RERE: variants seen among roughly 807,000 people sequenced by gnomAD.
RERE encodes arginine-glutamic acid dipeptide repeats, also known as arginine-glutamic acid dipeptide repeats protein.
RERE carries 40 observed loss-of-function variants against 146.1 expected under a neutral mutation model. The observed-to-expected ratio is 0.27, with a 90% CI of 0.21 to 0.36. The LOEUF (loss-of-function observed/expected upper bound fraction) is 0.36, where lower values mean the gene tolerates loss of function less well. RERE is among the 10% of genes least tolerant of loss of function. The probability of loss-of-function intolerance (pLI) is 1.00; values close to 1 mark genes in which losing one functional copy is unlikely to be tolerated. For missense variants in RERE, 1,933 were observed against 2,138.7 expected, an observed-to-expected ratio of 0.90 and a Z score of 1.90; for synonymous variants, 1,003 against 866.0, an observed-to-expected ratio of 1.16 and a Z score of -2.78.
chr1:8,396,475 T>C (rs1643059192), intron 12 of RERE, among the ~76,000 whole-genome samples: 1 of 152,328 alleles, frequency 6.6e-6, no homozygotes, highest in Admixed American at 6.5e-5. Flanking sequence ...TTGGGAAGAA[T>C]GCAGCAGACT....
At chr1:8,739,949 T>C (rs1055974803) in intron 1 of RERE, among the ~76,000 whole-genome samples, 4 of 152,024 alleles carry the variant, frequency 2.6e-5, no homozygotes, top group Admixed American at 1.3e-4. Context: ...GTTTTGCCTC[T>C]GGGCCACTGC....
At position 8,358,911 on chromosome 1, in the gene RERE, C is replaced by A; in HGVS notation, c.3624G>T (p.Ala1208=). ...REREAERAAK[A]SSSAHEGRLS... ...GGCGACCTTCATGCGCTGAGCTGGACGCCTTCTGCAGAAGGAAAAGAAAGC... is the reference window on the plus strand; with the variant it reads ...GGCGACCTTCATGCGCTGAGCTGGAAGCCTTCTGCAGAAGGAAAAGAAAGC... The change falls in exon 20 of 23, where the codon GCG becomes GCT. Residue 1208 remains alanine (A), a synonymous_variant. Coordinates refer to ENST00000400908, the MANE Select transcript of RERE (RefSeq NM_001042681.2). The A allele has an allele frequency of 6.6e-7, 1 of 1,522,718 alleles. No individual in the cohort carries two copies. The highest frequency in any genetic ancestry group is 8.8e-7 in the Non-Finnish European group (1 of 1,137,740). 94.3% of individuals were successfully genotyped at this position (1,522,718 alleles called of 1,614,324 possible).
intron 6 of RERE, 116 bp from the exon 7 acceptor site, chr1:8,541,434 C>A (rs1486025364): frequency 3.3e-6 from 2 of 607,316 alleles, no homozygotes; most frequent in East Asian, 2.7e-5. Context: ...GGAGAATCGG[C>A]TACAAACACC....
chr1:8,502,900 A>C (rs1023266039), intron 8 of RERE, among the ~76,000 whole-genome samples: 1 of 150,938 alleles, frequency 6.6e-6, no homozygotes, highest in South Asian at 2.1e-4. Flanking sequence ...CGTGCTCGTT[A>C]AGAGTCATCA....
intron 1 of RERE, among the ~76,000 whole-genome samples, chr1:8,794,357 CAAAAAAAA>C (rs34549021): frequency 9.9e-5 from 4 of 40,554 alleles, no homozygotes; most frequent in Non-Finnish European, 1.4e-4. Context: ...GACTCCGTCT[CAAAAAAAA>C]AAAAAAAAAA....
chr1:8,552,283 C>A (rs985646568), intron 6 of RERE, among the ~76,000 whole-genome samples: 1 of 152,344 alleles, frequency 6.6e-6, no homozygotes, highest in East Asian at 1.9e-4. Flanking sequence ...AAACCTTATA[C>A]ATCAGTTTCC....
At chr1:8,619,173 C>G (rs370680768) in intron 3 of RERE, among the ~76,000 whole-genome samples, 3 of 152,150 alleles carry the variant, frequency 2.0e-5, no homozygotes, top group Admixed American at 1.3e-4. Context: ...CATTCAGAAC[C>G]AGCATTTAGA....
At chr1:8,357,429 C>T (rs774041216) in intron 20 of RERE, among the ~76,000 whole-genome samples, 2 of 152,226 alleles carry the variant, frequency 1.3e-5, no homozygotes, top group Non-Finnish European at 2.9e-5. Flanking sequence ...CCCCGCCCTC[C>T]CTCTGGGCCC....
chr1:8,532,849 C>A (rs1220949040), intron 7 of RERE, among the ~76,000 whole-genome samples: 2 of 152,158 alleles, frequency 1.3e-5, no homozygotes, highest in Admixed American at 6.5e-5. Flanking sequence ...CCTGCCTTGG[C>A]CTCCCAAAGT....
chr1:8,469,511 C>T (rs1431851162), intron 10 of RERE, among the ~76,000 whole-genome samples: 2 of 151,924 alleles, frequency 1.3e-5, no homozygotes, highest in Non-Finnish European at 2.9e-5. Context: ...CCCAGCTATT[C>T]GGGAGGCTGA....
At chr1:8,551,169 G>T (rs1269597867) in intron 6 of RERE, among the ~76,000 whole-genome samples, 1 of 152,124 alleles carries the variant, frequency 6.6e-6, no homozygotes, top group Non-Finnish European at 1.5e-5. Flanking sequence ...CAGGTAATCA[G>T]AAAGCTGGAA....
At chr1:8,576,994 C>A (rs1220074549) in intron 4 of RERE, among the ~76,000 whole-genome samples, 2 of 152,020 alleles carry the variant, frequency 1.3e-5, no homozygotes, top group African/African-American at 4.8e-5. Flanking sequence ...ACGGTGAAAC[C>A]CCGTCTCTAC....
chr1:8,753,761 C>T (rs1397308422), intron 1 of RERE: 2 of 152,112 alleles, frequency 1.3e-5, no homozygotes, highest in East Asian at 3.8e-4. Flanking sequence ...AAAAAGCATA[C>T]CTCTTGATTC....
chr1:8,553,832 C>T (rs1408435168), intron 6 of RERE, among the ~76,000 whole-genome samples: 1 of 152,174 alleles, frequency 6.6e-6, no homozygotes, highest in Non-Finnish European at 1.5e-5. Context: ...ACAGTAAATT[C>T]ATGGAAATCA....
At position 8,701,285 on chromosome 1, in the gene RERE, AAT is replaced by A. The variant is rs1164443175; in HGVS notation, c.-144-44846_-144-44845del. Among the ~76,000 whole-genome samples, 161 of 93,962 alleles carry A rather than the reference AAT, an allele frequency of 1.7e-3. 1 individual carries two copies. The highest frequency in any genetic ancestry group is 3.5e-3 in the African/African-American group (80 of 22,938). 61.6% of individuals were successfully genotyped at this position (93,962 alleles called of 152,430 possible). A position where few individuals can be genotyped will look rare whatever the true frequency, so the allele number is the denominator to read the frequency against. On this transcript the variant is annotated intron_variant, in intron 1 of 22. Transcript: ENST00000400908. ...AAGGCACCGGGATGGGGGTGAGGGG[AAT>A]ACACACACACACACACACACACACA...
At chr1:8,773,277 A>C (rs1042771190) in intron 1 of RERE, among the ~76,000 whole-genome samples, 1 of 151,974 alleles carries the variant, frequency 6.6e-6, no homozygotes, top group African/African-American at 2.4e-5. Context: ...ATCTGTCTAA[A>C]TAGAGATGTT....
At chr1:8,746,346 A>C (rs1468818067) in intron 1 of RERE, among the ~76,000 whole-genome samples, 1 of 152,130 alleles carries the variant, frequency 6.6e-6, no homozygotes, top group Non-Finnish European at 1.5e-5. Context: ...GTTTGGGTGG[A>C]TCCAGGGTTG....
chr1:8,440,721 A>G (rs1442491759), intron 11 of RERE, among the ~76,000 whole-genome samples: 1 of 137,790 alleles, frequency 7.3e-6, no homozygotes. Flanking sequence ...CCTCGTCTCT[A>G]CTAAAAATAC....
chr1:8,755,613 T>C (rs1433968760), intron 1 of RERE, among the ~76,000 whole-genome samples: 4 of 152,204 alleles, frequency 2.6e-5, no homozygotes, highest in South Asian at 2.1e-4. Flanking sequence ...GTATGCCAAG[T>C]AGCACATGGA....
Sources: allele counts gnomAD v4.1 joint callset (sites outside exome capture counted in the v4.1 genomes callset), GRCh38; gene constraint gnomAD v4.1.1; transcripts MANE v1.5; gene names NCBI Gene and HGNC (gene_info 2026-07-23, HGNC 2026-07-21).